MYT1L: variants seen among roughly 807,000 people sequenced by gnomAD.
The protein encoded by MYT1L is myelin transcription factor 1 like, also known as myelin transcription factor 1-like protein.
MYT1L carries 12 observed loss-of-function variants against 126.7 expected under a neutral mutation model. The observed-to-expected ratio is 0.09, with a 90% confidence interval of 0.06 to 0.15. The LOEUF (loss-of-function observed/expected upper bound fraction) is 0.15. Among genes scored for constraint, MYT1L ranks in the 10% least tolerant of loss-of-function variants. The probability of loss-of-function intolerance (pLI) is 1.00; values close to 1 mark genes in which losing one functional copy is unlikely to be tolerated. For missense variants in MYT1L, 979 were observed against 1,585.2 expected, an observed-to-expected ratio of 0.62 and a Z score of 6.49; for synonymous variants, 541 against 604.2, an observed-to-expected ratio of 0.90 and a Z score of 1.53.
At chr2:2,185,563 G>A (rs1572252613) in intron 2 of MYT1L, among the ~76,000 whole-genome samples, 1 of 147,404 alleles carries the variant, frequency 6.8e-6, no homozygotes, top group African/African-American at 2.6e-5. Flanking sequence ...CTCGAGTCCC[G>A]CGTTCCTTCC....
chr2:1,841,034 G>C (rs1418808565), intron 19 of MYT1L, 191 bp from the exon 20 acceptor site: 2 of 524,396 alleles, frequency 3.8e-6, no homozygotes, highest in African/African-American at 4.0e-5. Flanking sequence ...CTCCCAAGTA[G>C]CTGGGACTAC....
At chr2:1,968,295 G>C (rs1166792184) in intron 8 of MYT1L, among the ~76,000 whole-genome samples, 1 of 152,026 alleles carries the variant, frequency 6.6e-6, no homozygotes, top group Non-Finnish European at 1.5e-5. Flanking sequence ...CAGAGCGTCT[G>C]CACTTCATTC....
chr2:1,991,160 A>C (rs1481668850), intron 5 of MYT1L, among the ~76,000 whole-genome samples: 1 of 152,134 alleles, frequency 6.6e-6, no homozygotes, highest in Non-Finnish European at 1.5e-5. Context: ...CCTGCTTCCG[A>C]GTAAGAAGTT....
chr2:1,866,045 G>C (rs1291708963), intron 18 of MYT1L, among the ~76,000 whole-genome samples: 3 of 152,224 alleles, frequency 2.0e-5, no homozygotes, highest in African/African-American at 7.2e-5. Flanking sequence ...GTCTGTGACA[G>C]TGCTGCAGCA....
At chr2:1,800,827 C>A (rs1157090296) in intron 23 of MYT1L, among the ~76,000 whole-genome samples, 1 of 152,062 alleles carries the variant, frequency 6.6e-6, no homozygotes, top group Admixed American at 6.5e-5. Context: ...ACCGAGCAAC[C>A]TTCATGGAGG....
chr2:2,160,455 T>C lies in MYT1L; in HGVS notation c.-304+12417A>G, dbSNP rs547681106. Among the ~76,000 whole-genome samples the C allele has an allele frequency of 7.2e-5, 11 of 152,342 alleles. No individual in the cohort carries two copies. The South Asian group carries it at 2.1e-3, about 29-fold the overall frequency. On this transcript the variant is annotated intron_variant, in intron 3 of 24. Transcript: ENST00000647738. ...AAATTAAGAATGATAGAGTATCATC[T>C]GTAACCTTGGATAAATGCTGGATGT...
intron 3 of MYT1L, among the ~76,000 whole-genome samples, chr2:2,168,457 G>A (rs966507370): frequency 2.6e-5 from 4 of 152,204 alleles, no homozygotes; most frequent in Non-Finnish European, 5.9e-5. Context: ...TACACTTACT[G>A]CAGGTCCTTG....
chr2:1,844,160 C>T lies in MYT1L; in HGVS notation c.2775-3317G>A, dbSNP rs542340578. Among the ~76,000 whole-genome samples, 30 of 152,280 alleles carry T rather than the reference C, an allele frequency of 2.0e-4. No homozygotes were observed. The East Asian group carries it at 4.1e-3, about 21-fold the overall frequency. On this transcript the variant is annotated intron_variant, in intron 19 of 24. Transcript: ENST00000647738. ...GCCCCACGGGGTCCTCTCTTCCACA[C>T]GCCGTAGCCCAGGGCCTCTGTTCCA...
At position 2,140,592 on chromosome 2, in the gene MYT1L, G is replaced by A. The variant is rs187593767; in HGVS notation, c.-304+32280C>T. Reference sequence around the variant, plus strand: ...TGGGACTACAGGTGCCCGCCACCACGCCTGGCTAATTTTTTGTATTTTTAG... The same window carrying A: ...TGGGACTACAGGTGCCCGCCACCACACCTGGCTAATTTTTTGTATTTTTAG... On this transcript the variant is annotated intron_variant, in intron 3 of 24. Transcript: ENST00000647738. Among the ~76,000 whole-genome samples, 56 of 151,940 alleles carry A rather than the reference G, an allele frequency of 3.7e-4. 2 individuals are homozygous for A. The highest frequency in any genetic ancestry group is 1.3e-3 in the African/African-American group (54 of 41,448).
chr2:1,876,922 G>A (rs1272408560), intron 18 of MYT1L, among the ~76,000 whole-genome samples: 1 of 152,352 alleles, frequency 6.6e-6, no homozygotes, highest in Non-Finnish European at 1.5e-5. Context: ...GACCAGGGGA[G>A]GACGCAGACA....
At chr2:2,136,138 A>T (rs1479933867) in intron 3 of MYT1L, among the ~76,000 whole-genome samples, 1 of 151,898 alleles carries the variant, frequency 6.6e-6, no homozygotes, top group Non-Finnish European at 1.5e-5. Context: ...AAAACCAAAC[A>T]CCCTAGCTCT....
intron 2 of MYT1L, among the ~76,000 whole-genome samples, chr2:2,240,259 C>T (rs975454264): frequency 6.6e-6 from 1 of 152,116 alleles, no homozygotes; most frequent in Admixed American, 6.5e-5. Flanking sequence ...TAGCATTGTG[C>T]TCCAGCCTGG....
At chr2:2,087,796 C>T (rs958318454) in intron 3 of MYT1L, among the ~76,000 whole-genome samples, 3 of 152,166 alleles carry the variant, frequency 2.0e-5, no homozygotes, top group African/African-American at 7.2e-5. Flanking sequence ...AAAAAGGAAA[C>T]AAAAGACCAT....
intron 21 of MYT1L, among the ~76,000 whole-genome samples, chr2:1,821,636 T>A (rs2038538112): frequency 6.6e-6 from 1 of 152,200 alleles, no homozygotes; most frequent in Non-Finnish European, 1.5e-5. Flanking sequence ...CTGCTTGCCT[T>A]CAGTGGCCGG....
chr2:2,028,428 T>C (rs2065868214), intron 4 of MYT1L, among the ~76,000 whole-genome samples: 1 of 152,190 alleles, frequency 6.6e-6, no homozygotes, highest in African/African-American at 2.4e-5. Context: ...TCCTATCATT[T>C]TGAAGGTCAG....
chr2:2,016,637 A>C (rs972656587), intron 4 of MYT1L, among the ~76,000 whole-genome samples: 5 of 152,238 alleles, frequency 3.3e-5, no homozygotes, highest in African/African-American at 1.2e-4. Flanking sequence ...ACATATGTGA[A>C]AGAAGAACTC....
chr2:2,242,757 G>T (rs180744329), intron 2 of MYT1L, among the ~76,000 whole-genome samples: 173 of 152,312 alleles, frequency 1.1e-3, no homozygotes, highest in African/African-American at 4.0e-3. Flanking sequence ...TAGTGAGTGG[G>T]CATACACCTA....
intron 19 of MYT1L, among the ~76,000 whole-genome samples, chr2:1,846,624 G>T (rs1176209501): frequency 6.6e-6 from 1 of 152,152 alleles, no homozygotes; most frequent in Non-Finnish European, 1.5e-5. Context: ...ATGTGGTCAA[G>T]GGCAGTGTAC....
At chr2:2,280,363 G>C (rs2095430366) in intron 2 of MYT1L, among the ~76,000 whole-genome samples, 1 of 152,208 alleles carries the variant, frequency 6.6e-6, no homozygotes, top group Middle Eastern at 3.4e-3. Flanking sequence ...AAGTTGCCTT[G>C]GTAATAGGCA....
Sources: allele counts gnomAD v4.1 joint callset (sites outside exome capture counted in the v4.1 genomes callset), GRCh38; gene constraint gnomAD v4.1.1; transcripts MANE v1.5; gene names NCBI Gene and HGNC (gene_info 2026-07-23, HGNC 2026-07-21).